RNF111: variants seen among roughly 807,000 people sequenced by gnomAD.
RNF111 encodes ring finger protein 111, also known as E3 ubiquitin-protein ligase Arkadia.
A neutral mutation model predicts 95.1 loss-of-function variants in RNF111; 17 were observed. That is an observed-to-expected ratio of 0.18 (90% CI 0.12 to 0.27). The LOEUF (loss-of-function observed/expected upper bound fraction) is 0.27. RNF111 is among the 10% of genes least tolerant of loss of function. The pLI is 1.00. For synonymous variants in RNF111, 440 were observed against 414.8 expected (o/e 1.06, Z -0.74); for missense variants, 1,189 against 1,210.4 (o/e 0.98, Z 0.26).
At chr15:59,078,881 A>AG (rs1346920305) in intron 7 of RNF111, among the ~76,000 whole-genome samples, 9 of 151,196 alleles carry the variant, frequency 6.0e-5, no homozygotes, top group East Asian at 1.9e-4. Flanking sequence ...AAAAAAAAAA[A>AG]AGAGAGGTAT....
At chr15:59,068,718 C>T (rs1465989726) in intron 6 of RNF111, among the ~76,000 whole-genome samples, 1 of 151,950 alleles carries the variant, frequency 6.6e-6, no homozygotes, top group Non-Finnish European at 1.5e-5. Flanking sequence ...CCCGACCTTT[C>T]CTAAAGTACT....
intron 1 of RNF111, among the ~76,000 whole-genome samples, chr15:59,007,593 G>T (rs1469786765): frequency 6.6e-6 from 1 of 152,174 alleles, no homozygotes; most frequent in Non-Finnish European, 1.5e-5. Context: ...TACGTTAGAT[G>T]TGTGCATAAC....
rs74017356 is a variant in RNF111 at position 59,096,546 on chromosome 15, A to G, written c.*1646A>G. On this transcript the variant is annotated 3_prime_UTR_variant, in exon 14 of 14. Coordinates refer to ENST00000348370, the MANE Select transcript of RNF111 (RefSeq NM_017610.8). The stretch of plus-strand genomic sequence containing the variant: ...CATAATTTGACATTTATATTCATTC[A>G]GTTATGACTACTTGCCCTTTTCTTC... 0.028 allele frequency: 4,231 copies of G among 153,272 alleles called. 115 individuals carry two copies. The highest frequency in any genetic ancestry group is 0.063 in the African/African-American group (2,621 of 41,588). 9.5% of individuals were successfully genotyped at this position (153,272 alleles called of 1,614,324 possible). A position where few individuals can be genotyped will look rare whatever the true frequency, so the allele number is the denominator to read the frequency against.
chr15:59,074,803 C>T (rs1484784731), intron 6 of RNF111, among the ~76,000 whole-genome samples: 1 of 152,102 alleles, frequency 6.6e-6, no homozygotes, highest in Non-Finnish European at 1.5e-5. Flanking sequence ...CTTTTGGCCT[C>T]TCTGGGCTTT....
chr15:59,005,480 G>A (rs1204808196), intron 1 of RNF111, among the ~76,000 whole-genome samples: 1 of 152,122 alleles, frequency 6.6e-6, no homozygotes, highest in African/African-American at 2.4e-5. Flanking sequence ...ATTAGATCCC[G>A]CATTCTCAGG....
intron 1 of RNF111, among the ~76,000 whole-genome samples, chr15:59,026,667 A>T (rs1396301103): frequency 6.6e-6 from 1 of 152,098 alleles, no homozygotes; most frequent in African/African-American, 2.4e-5. Flanking sequence ...TTCCTTTTGA[A>T]CTTTCCTCTT....
At chr15:58,991,788 T>G (rs2141356053) in intron 1 of RNF111, among the ~76,000 whole-genome samples, 1 of 152,334 alleles carries the variant, frequency 6.6e-6, no homozygotes, top group Non-Finnish European at 1.5e-5. Flanking sequence ...GTAGACAGAT[T>G]AAAATTATTT....
At chr15:59,034,594 T>C (rs1434116238) in intron 2 of RNF111, among the ~76,000 whole-genome samples, 1 of 152,216 alleles carries the variant, frequency 6.6e-6, no homozygotes, top group African/African-American at 2.4e-5. Context: ...TTAAAAACTA[T>C]AGTTAAACTG....
chr15:59,067,556 T>C (rs1416318533), intron 6 of RNF111, among the ~76,000 whole-genome samples: 1 of 152,224 alleles, frequency 6.6e-6, no homozygotes, highest in Non-Finnish European at 1.5e-5. Flanking sequence ...TGGTCTGTAG[T>C]TTCTTTTTAA....
intron 11 of RNF111, 76 bp downstream of exon 11, chr15:59,089,835 C>T (rs1237844078): frequency 5.0e-6 from 5 of 997,468 alleles, no homozygotes; most frequent in Admixed American, 1.7e-5. Flanking sequence ...CTACTATACA[C>T]AATTGTGTAG....
chr15:59,031,349 G>A lies in RNF111; in HGVS notation c.527G>A (p.Ser176Asn), dbSNP rs2040895358. The A allele has an allele frequency of 6.2e-7, 1 of 1,614,052 alleles. No homozygotes were observed. Among genetic ancestry groups the A allele is most frequent in the African/African-American group, 1.3e-5 (1 of 74,914 alleles). Residue 176 changes from serine (S) to asparagine (N), a missense_variant, in exon 2 of 14, where the codon AGC (serine) becomes AAC (asparagine). Ser to Asn is a conservative substitution (Grantham distance 46, BLOSUM62 1). Around this residue, in one of 2 missense-constraint regions of RNF111, gnomAD observed 1,024 missense variants for 925.9 expected, o/e 1.11. Coordinates refer to ENST00000348370, the MANE Select transcript of RNF111 (RefSeq NM_017610.8). ...ACCATTTTGAATGCTAAAAGTAGAA[G>A]CCATAGTGCACGGTCTCATAAGTGG... ...SQTILNAKSR[S>N]HSARSHKWPR...
intron 1 of RNF111, among the ~76,000 whole-genome samples, chr15:58,995,656 C>T (rs899648936): frequency 1.3e-5 from 2 of 151,686 alleles, no homozygotes; most frequent in African/African-American, 2.4e-5. Context: ...CGGGGTTTCA[C>T]CATCTTGGAC....
chr15:59,056,590 G>A (rs966293885), intron 4 of RNF111, among the ~76,000 whole-genome samples: 2 of 152,174 alleles, frequency 1.3e-5, no homozygotes, highest in African/African-American at 4.8e-5. Context: ...GATGGAAAGA[G>A]TTGATAGGTG....
chr15:59,083,911 G>T, intron 8 of RNF111: 1 of 280,912 alleles, frequency 3.6e-6, no homozygotes, highest in Non-Finnish European at 6.2e-6. Flanking sequence ...TGGAAGCATT[G>T]GAATAAATGA....
At chr15:59,025,912 T>C (rs1444157888) in intron 1 of RNF111, among the ~76,000 whole-genome samples, 2 of 152,088 alleles carry the variant, frequency 1.3e-5, no homozygotes, top group African/African-American at 4.8e-5. Flanking sequence ...GCATTTTTGG[T>C]GGAGACGGGT....
chr15:58,999,638 T>C (rs2039238380), intron 1 of RNF111, among the ~76,000 whole-genome samples: 1 of 152,182 alleles, frequency 6.6e-6, no homozygotes, highest in South Asian at 2.1e-4. Flanking sequence ...GCCCGGCCTA[T>C]TACTGCAGTT....
chr15:59,024,130 G>A (rs549732594), intron 1 of RNF111, among the ~76,000 whole-genome samples: 24 of 152,196 alleles, frequency 1.6e-4, no homozygotes, highest in African/African-American at 5.8e-4. Flanking sequence ...AGGAAATTGA[G>A]CAATAGTAAA....
chr15:59,017,753 CTTTTTTTTTTTTT>C (rs200975904), intron 1 of RNF111, among the ~76,000 whole-genome samples: 1 of 120,962 alleles, frequency 8.3e-6, no homozygotes, highest in African/African-American at 3.4e-5. Flanking sequence ...TTGTTGAACT[CTTTTTTTTTTTTT>C]TTTTTTTTGA....
chr15:59,080,932 G>T lies in RNF111; in HGVS notation c.1949-4G>T. On this transcript the variant is annotated splice_polypyrimidine_tract_variant and splice_region_variant and intron_variant, in intron 7 of 13. Coordinates refer to ENST00000348370, the MANE Select transcript of RNF111 (RefSeq NM_017610.8). ...GTAACATACTCAAAATATTTTTCTT[G>T]CAGATGCCTCTTTGACAAGGCCACT... 2 of 1,601,212 alleles carry T rather than the reference G, an allele frequency of 1.2e-6. No individual in the cohort carries two copies. The highest frequency in any genetic ancestry group is 1.3e-5 in the African/African-American group (1 of 74,578).
Sources: allele counts gnomAD v4.1 joint callset (sites outside exome capture counted in the v4.1 genomes callset), GRCh38; gene constraint gnomAD v4.1.1; regional missense constraint gnomAD v4.1.1; transcripts MANE v1.5; gene names NCBI Gene and HGNC (gene_info 2026-07-23, HGNC 2026-07-21).